ZCCHC7: variants seen among roughly 807,000 people sequenced by gnomAD.
ZCCHC7 encodes the protein zinc finger CCHC domain-containing protein 7.
In ZCCHC7, 35 loss-of-function variants were observed where a neutral mutation model predicts 52.0. The observed-to-expected ratio is 0.67, with a 90% CI of 0.51 to 0.89. The LOEUF (loss-of-function observed/expected upper bound fraction) is 0.89, where lower values mean the gene tolerates loss of function less well. Ranked by LOEUF, ZCCHC7 falls within the 40% of genes least tolerant of loss-of-function variation. The pLI, the probability that ZCCHC7 is intolerant of heterozygous loss-of-function variation, is 0.00. For missense variants in ZCCHC7, 574 were observed against 649.1 expected (o/e 0.88, Z 1.26); for synonymous variants, 217 against 221.5 (o/e 0.98, Z 0.18).
intron 6 of ZCCHC7, among the ~76,000 whole-genome samples, chr9:37,346,226 C>T (rs552040271): frequency 6.6e-6 from 1 of 152,244 alleles, no homozygotes; most frequent in Non-Finnish European, 1.5e-5. Context: ...TGGTCTCAAA[C>T]TCCTGACGTC....
rs761303878 is a variant in ZCCHC7, at chr9:37,304,207, G to A, written c.674G>A (p.Arg225Gln). 3.4e-5 allele frequency: 54 copies of A among 1,609,760 alleles called. No individual in the cohort carries two copies. Among genetic ancestry groups the A allele is most frequent in the Middle Eastern group, 1.7e-4 (1 of 6,060 alleles). The change falls in exon 4 of 9, where the codon CGA (arginine) becomes CAA (glutamine). Residue 225 changes from arginine (R) to glutamine (Q), a missense_variant. By Grantham distance (43) the Arg-to-Gln change is conservative. This residue lies in a region of ZCCHC7 where 403 missense variants were observed against 461.2 expected (regional missense o/e 0.87). Coordinates refer to ENST00000336755, the MANE Select transcript of ZCCHC7 (RefSeq NM_032226.3). ...KDIEAQIANNRTPGRWTQRYY... is the reference protein window; with the variant it reads ...KDIEAQIANNQTPGRWTQRYY... ...CCTTAGGCCCAGATAGCTAATAACC[G>A]AACACCTGGAAGATGGACCCAGCGG...
At chr9:37,120,446 CA>C (rs1388150865), upstream of ZCCHC7, 3 of 397,014 alleles carry the variant, frequency 7.6e-6, no homozygotes, top group African/African-American at 6.2e-5. Flanking sequence ...ATGCGCACAT[CA>C]GGCGCGGCAG....
chr9:37,226,914 C>T (rs759422451), intron 2 of ZCCHC7, among the ~76,000 whole-genome samples: 9 of 151,256 alleles, frequency 6.0e-5, no homozygotes, highest in Non-Finnish European at 1.3e-4. Context: ...CCTGTAGTCC[C>T]AGCTACTCAT....
intron 2 of ZCCHC7, among the ~76,000 whole-genome samples, chr9:37,300,279 T>G (rs1234796447): frequency 6.6e-6 from 1 of 152,248 alleles, no homozygotes; most frequent in Non-Finnish European, 1.5e-5. Flanking sequence ...TAAGTCAGTC[T>G]TATAGTTAAC....
intron 2 of ZCCHC7, among the ~76,000 whole-genome samples, chr9:37,245,791 G>A (rs1239556490): frequency 1.3e-5 from 2 of 151,946 alleles, no homozygotes; most frequent in African/African-American, 4.8e-5. Flanking sequence ...AACAGAGGAA[G>A]GCCTGGAAGA....
At chr9:37,353,051 A>G (rs1045182385) in intron 7 of ZCCHC7, among the ~76,000 whole-genome samples, 1 of 152,062 alleles carries the variant, frequency 6.6e-6, no homozygotes, top group Non-Finnish European at 1.5e-5. Flanking sequence ...TTCAAACAAA[A>G]GAGAAACTTC....
chr9:37,178,249 T>A (rs1822153501), intron 2 of ZCCHC7, among the ~76,000 whole-genome samples: 1 of 152,142 alleles, frequency 6.6e-6, no homozygotes, highest in African/African-American at 2.4e-5. Context: ...TTATCACTCT[T>A]AGTGGAAAAT....
At chr9:37,329,279 AC>A (rs1830363489) in intron 6 of ZCCHC7, among the ~76,000 whole-genome samples, 1 of 151,712 alleles carries the variant, frequency 6.6e-6, no homozygotes, top group African/African-American at 2.4e-5. Context: ...TCGTTTATAT[AC>A]CTATAGTTAA....
intron 5 of ZCCHC7, among the ~76,000 whole-genome samples, chr9:37,325,491 C>T (rs1354415668): frequency 2.0e-5 from 3 of 152,038 alleles, no homozygotes; most frequent in Non-Finnish European, 4.4e-5. Context: ...ATATAATTTT[C>T]CATGCAATAG....
intron 2 of ZCCHC7, among the ~76,000 whole-genome samples, chr9:37,163,826 T>A (rs138229642): frequency 2.4e-4 from 37 of 152,302 alleles, no homozygotes; most frequent in Admixed American, 7.8e-4. Context: ...AATATTTAGG[T>A]TTTTGCTTCA....
At position 37,321,946 on chromosome 9, in the gene ZCCHC7, A is replaced by T. The variant is rs182829520; in HGVS notation, c.952-5853A>T. On this transcript the variant is annotated intron_variant, in intron 5 of 8. Transcript: ENST00000336755. ...AGGATGTCAGCGCTCAGATTTCATT[A>T]TTCCAATACCAAAGGGACAATGAAA... is the stretch of plus-strand genomic sequence containing the variant. 1.1e-3 allele frequency among the ~76,000 whole-genome samples: 164 copies of T among 152,316 alleles called. 1 individual carries two copies. The highest frequency in any genetic ancestry group is 5.3e-4 in the Non-Finnish European group (36 of 68,014).
chr9:37,234,469 C>T (rs1825550514), intron 2 of ZCCHC7, among the ~76,000 whole-genome samples: 1 of 152,172 alleles, frequency 6.6e-6, no homozygotes, highest in South Asian at 2.1e-4. Flanking sequence ...TATTCCTGGT[C>T]CAATCAGTGG....
At chr9:37,264,358 T>C (rs1370956130) in intron 2 of ZCCHC7, among the ~76,000 whole-genome samples, 4 of 152,332 alleles carry the variant, frequency 2.6e-5, no homozygotes, top group South Asian at 4.1e-4. Flanking sequence ...TTACAGTGTC[T>C]GTTAAACCAG....
At chr9:37,136,253 A>G (rs547727970) in intron 2 of ZCCHC7, among the ~76,000 whole-genome samples, 2 of 152,356 alleles carry the variant, frequency 1.3e-5, no homozygotes, top group South Asian at 4.1e-4. Context: ...GGTAAAAAAT[A>G]CTTTTTATTT....
intron 6 of ZCCHC7, among the ~76,000 whole-genome samples, chr9:37,336,576 A>G (rs1192675315): frequency 2.6e-5 from 4 of 152,108 alleles, no homozygotes; most frequent in Non-Finnish European, 5.9e-5. Flanking sequence ...TGGATCCCCC[A>G]TGTATTAGCT....
At chr9:37,236,077 T>C (rs1398076218) in intron 2 of ZCCHC7, among the ~76,000 whole-genome samples, 2 of 152,166 alleles carry the variant, frequency 1.3e-5, no homozygotes, top group Non-Finnish European at 2.9e-5. Context: ...CTCAATGGGA[T>C]TGCTGGATCA....
chr9:37,341,826 G>A (rs1001784701), intron 6 of ZCCHC7, among the ~76,000 whole-genome samples: 9 of 152,110 alleles, frequency 5.9e-5, no homozygotes, highest in African/African-American at 2.2e-4. Flanking sequence ...GGTGCAAAGC[G>A]CTGAGGTGGA....
At chr9:37,329,351 G>A (rs561995219) in intron 6 of ZCCHC7, among the ~76,000 whole-genome samples, 1 of 151,514 alleles carries the variant, frequency 6.6e-6, no homozygotes, top group Non-Finnish European at 1.5e-5. Flanking sequence ...TATTTTAGCT[G>A]TTCAGAAACA....
chr9:37,294,921 A>G (rs1828713130), intron 2 of ZCCHC7, among the ~76,000 whole-genome samples: 1 of 152,190 alleles, frequency 6.6e-6, no homozygotes, highest in African/African-American at 2.4e-5. Flanking sequence ...CTTTCAGACT[A>G]TGACTGAAGG....
Sources: allele counts gnomAD v4.1 joint callset (sites outside exome capture counted in the v4.1 genomes callset), GRCh38; gene constraint gnomAD v4.1.1; regional missense constraint gnomAD v4.1.1; transcripts MANE v1.5; gene names NCBI Gene and HGNC (gene_info 2026-07-23, HGNC 2026-07-21).